NEDD9: variants seen among roughly 807,000 people sequenced by gnomAD.
NEDD9 encodes the protein enhancer of filamentation 1.
A neutral mutation model predicts 76.6 loss-of-function variants in NEDD9; 26 were observed. The ratio of observed to expected loss-of-function variants is 0.34; its 90% CI spans 0.25 to 0.47. The LOEUF is 0.47. Among genes scored for constraint, NEDD9 ranks in the 20% least tolerant of loss-of-function variants. The pLI is 1.00. For missense variants in NEDD9, 937 were observed against 1,058.5 expected (o/e 0.89, Z 1.59); for synonymous variants, 392 against 414.2 (o/e 0.95, Z 0.65).
intron 2 of NEDD9, among the ~76,000 whole-genome samples, chr6:11,322,713 C>G (rs866343870): frequency 1.3e-5 from 2 of 152,212 alleles, no homozygotes; most frequent in Non-Finnish European, 2.9e-5. Context: ...CCTGCACAGT[C>G]ATTACCGGAA....
chr6:11,336,953 G>C (rs988906355), intron 1 of NEDD9, among the ~76,000 whole-genome samples: 1 of 152,120 alleles, frequency 6.6e-6, no homozygotes, highest in African/African-American at 2.4e-5. Flanking sequence ...GGGCGCGGTG[G>C]CTCACACCTG....
At chr6:11,362,388 T>C (rs1039014518) in intron 1 of NEDD9, among the ~76,000 whole-genome samples, 1 of 152,338 alleles carries the variant, frequency 6.6e-6, no homozygotes, top group East Asian at 1.9e-4. Context: ...TTCATCCCTC[T>C]CTTTCTCTCT....
intron 3 of NEDD9, among the ~76,000 whole-genome samples, chr6:11,272,655 G>C (rs1193583827): frequency 2.0e-5 from 3 of 152,148 alleles, no homozygotes; most frequent in South Asian, 2.1e-4. Context: ...AGATTGCTCA[G>C]TTCCTTGCCT....
At chr6:11,188,947 A>ATT (rs34060597) in intron 5 of NEDD9, among the ~76,000 whole-genome samples, 51,931 of 145,802 alleles carry the variant, frequency 0.36, 9,614 homozygotes, top group East Asian at 0.65. Flanking sequence ...ATCTTGGTAG[A>ATT]TTTTTTTTTT....
intron 2 of NEDD9, among the ~76,000 whole-genome samples, chr6:11,212,075 T>C (rs1439530216): frequency 6.6e-6 from 1 of 152,236 alleles, no homozygotes; most frequent in Non-Finnish European, 1.5e-5. Context: ...AAATAGATAT[T>C]CCCTAATTTA....
intron 1 of NEDD9, among the ~76,000 whole-genome samples, chr6:11,372,866 A>G (rs1762901772): frequency 6.6e-6 from 1 of 152,232 alleles, no homozygotes; most frequent in South Asian, 2.1e-4. Flanking sequence ...GCCCATGGCC[A>G]CATATATCAT....
chr6:11,198,716 C>G lies in NEDD9; in HGVS notation c.460-5024G>C, dbSNP rs1758350970. 1 of 152,168 alleles carries G rather than the reference C, an allele frequency of 6.6e-6. No homozygotes were observed. Among genetic ancestry groups the G allele is most frequent in the African/African-American group, 2.4e-5 (1 of 41,436 alleles). 9.4% of individuals were successfully genotyped at this position (152,168 alleles called of 1,614,324 possible). A position where few individuals can be genotyped will look rare whatever the true frequency, so the allele number is the denominator to read the frequency against. On this transcript the variant is annotated intron_variant, in intron 2 of 6. Coordinates refer to ENST00000379446, the MANE Select transcript of NEDD9 (RefSeq NM_006403.4). This position sits in a 1 kb window ranked among gnomAD's most constrained non-coding sequence, Gnocchi z 4.7. ...TAGTACAGTGCCTAGCAGAGTAGGT[C>G]TTGCATAATCTATTGAGTGATACAT... is the stretch of plus-strand genomic sequence containing the variant.
rs752612102 is a variant in NEDD9, at chr6:11,209,970, C to CTTTTTTTTTTTTTTTTT, written c.459+3310_459+3311insAAAAAAAAAAAAAAAAA. ...AGTGATAGAAGGCAGAATTCACTGT[C>CTTTTTTTTTTTTTTTTT]TTTTTTTTTTCCTTAAGTGATTCAT... is the stretch of plus-strand genomic sequence containing the variant. On this transcript the variant is annotated intron_variant, in intron 2 of 6. Transcript: ENST00000379446. Among the ~76,000 whole-genome samples, 103 of 131,088 alleles carry CTTTTTTTTTTTTTTTTT rather than the reference C, an allele frequency of 7.9e-4. 3 individuals are homozygous for CTTTTTTTTTTTTTTTTT. Among genetic ancestry groups the CTTTTTTTTTTTTTTTTT allele is most frequent in the South Asian group, 1.8e-3 (7 of 3,844 alleles). The allele number at this position is 131,088 out of a possible 152,430, so 86.0% of individuals were successfully genotyped here.
At chr6:11,212,810 C>T (rs1216407289) in intron 2 of NEDD9, among the ~76,000 whole-genome samples, 4 of 152,190 alleles carry the variant, frequency 2.6e-5, no homozygotes, top group South Asian at 2.1e-4. Flanking sequence ...TCCTCACTCT[C>T]GCTACTTTGG....
chr6:11,280,054 G>A (rs1399549987), intron 3 of NEDD9, among the ~76,000 whole-genome samples: 1 of 152,152 alleles, frequency 6.6e-6, no homozygotes, highest in Non-Finnish European at 1.5e-5. Context: ...TCTTCATGGT[G>A]GGGGCTGCCT....
chr6:11,362,386 T>A (rs573273644), intron 1 of NEDD9, among the ~76,000 whole-genome samples: 13 of 152,328 alleles, frequency 8.5e-5, no homozygotes, highest in African/African-American at 3.1e-4. Context: ...TTTTCATCCC[T>A]CTCTTTCTCT....
At chr6:11,338,354 G>A (rs908070684) in intron 1 of NEDD9, among the ~76,000 whole-genome samples, 1 of 152,150 alleles carries the variant, frequency 6.6e-6, no homozygotes, top group African/African-American at 2.4e-5. Flanking sequence ...GCCCTCGAAA[G>A]GAGCCAATCC....
At chr6:11,247,528 T>A (rs1298595997) in intron 3 of NEDD9, among the ~76,000 whole-genome samples, 1 of 152,180 alleles carries the variant, frequency 6.6e-6, no homozygotes, top group Non-Finnish European at 1.5e-5. Context: ...AGCAACATCA[T>A]CACTATCTAA....
At chr6:11,222,633 G>A (rs1040908487) in intron 1 of NEDD9, among the ~76,000 whole-genome samples, 2 of 152,220 alleles carry the variant, frequency 1.3e-5, no homozygotes, top group African/African-American at 4.8e-5. Flanking sequence ...AGCTCTAAAT[G>A]CATGTTCCAT....
intron 3 of NEDD9, among the ~76,000 whole-genome samples, chr6:11,277,768 A>G (rs1760446473): frequency 6.6e-6 from 1 of 152,198 alleles, no homozygotes. Context: ...TTCTGATTCT[A>G]CAGCGGATGT....
At chr6:11,321,486 G>A (rs1216221574) in intron 2 of NEDD9, among the ~76,000 whole-genome samples, 1 of 152,200 alleles carries the variant, frequency 6.6e-6, no homozygotes, top group East Asian at 1.9e-4. Flanking sequence ...AATGAGCTTT[G>A]TTTCGTGTTT....
rs983083186 is a variant in NEDD9, at chr6:11,241,888, G to A, written c.13-28161C>T. Reference sequence around the variant, plus strand: ...CAGCCGCCAGCTGGCGCTCGTGAGCGCATGAAAGGAATCCGGATAATACAA... The same window carrying A: ...CAGCCGCCAGCTGGCGCTCGTGAGCACATGAAAGGAATCCGGATAATACAA... On this transcript the variant is annotated intron_variant, in intron 3 of 3. Transcript: ENST00000397378. This position sits in a 1 kb window ranked among gnomAD's most constrained non-coding sequence, Gnocchi z 4.0. Among the ~76,000 whole-genome samples, 6 of 152,220 alleles carry A rather than the reference G, an allele frequency of 3.9e-5. No homozygotes were observed. Among genetic ancestry groups the A allele is most frequent in the Non-Finnish European group, 8.8e-5 (6 of 68,036 alleles).
intron 1 of NEDD9, among the ~76,000 whole-genome samples, chr6:11,353,095 G>A (rs1762500265): frequency 1.3e-5 from 2 of 152,208 alleles, no homozygotes; most frequent in African/African-American, 2.4e-5. Flanking sequence ...GGCTCTTTCT[G>A]GGTGAACATC....
At chr6:11,332,954 A>G (rs1172289907) in intron 2 of NEDD9, among the ~76,000 whole-genome samples, 1 of 152,006 alleles carries the variant, frequency 6.6e-6, no homozygotes, top group Non-Finnish European at 1.5e-5. Flanking sequence ...ACATAGATAT[A>G]TGAGGAGTCC....
Sources: allele counts gnomAD v4.1 joint callset (sites outside exome capture counted in the v4.1 genomes callset), GRCh38; gene constraint gnomAD v4.1.1; non-coding constraint Gnocchi (gnomAD v3.1); transcripts MANE v1.5; gene names NCBI Gene and HGNC (gene_info 2026-07-23, HGNC 2026-07-21).